The following FHOD3 variants were observed in gnomAD, a reference collection of about 807,000 sequenced individuals.
The protein encoded by FHOD3 is FH1/FH2 domain-containing protein 3.
A neutral mutation model predicts 173.0 loss-of-function variants in FHOD3; 90 were observed. The ratio of observed to expected loss-of-function variants is 0.52; its 90% CI spans 0.44 to 0.62. The LOEUF is 0.62. Ranked by LOEUF, FHOD3 falls within the 20% of genes least tolerant of loss-of-function variation. The pLI, the probability that FHOD3 is intolerant of heterozygous loss-of-function variation, is 0.00. For synonymous variants in FHOD3, 828 were observed against 823.0 expected (o/e 1.01, Z -0.10); for missense variants, 1,945 against 2,034.7 (o/e 0.96, Z 0.85).
intron 3 of FHOD3, among the ~76,000 whole-genome samples, chr18:36,461,915 C>T (rs886883925): frequency 6.6e-6 from 1 of 152,106 alleles, no homozygotes; most frequent in Non-Finnish European, 1.5e-5. Flanking sequence ...GAGCCAGTCC[C>T]TTCTAAGCTT....
intron 14 of FHOD3, among the ~76,000 whole-genome samples, chr18:36,672,188 C>T (rs2037574557): frequency 6.6e-6 from 1 of 152,132 alleles, no homozygotes; most frequent in African/African-American, 2.4e-5. Flanking sequence ...TTATTGGAGT[C>T]CGCCAATGAA....
rs188444834 is a variant in FHOD3 at position 36,488,505 on chromosome 18, T to G, written c.338-13427T>G. ...CTGACAGATGACAGGAGGCATCTTATAGCCCTGAGTGCAGTGCCCAGGAAA... is the reference window on the plus strand; with the variant it reads ...CTGACAGATGACAGGAGGCATCTTAGAGCCCTGAGTGCAGTGCCCAGGAAA... On this transcript the variant is annotated intron_variant, in intron 3 of 28. Transcript: ENST00000590592. Among the ~76,000 whole-genome samples the G allele has an allele frequency of 1.1e-4, 17 of 152,308 alleles. No individual in the cohort carries two copies. In the East Asian group the frequency reaches 3.3e-3, roughly 29 times the overall value.
intron 1 of FHOD3, among the ~76,000 whole-genome samples, chr18:36,341,440 C>T (rs1349136611): frequency 6.6e-6 from 1 of 152,154 alleles, no homozygotes; most frequent in Non-Finnish European, 1.5e-5. Context: ...TGAGGTCAGA[C>T]TCATTAAGTC....
intron 5 of FHOD3, among the ~76,000 whole-genome samples, chr18:36,532,335 G>A (rs372677246): frequency 1.1e-4 from 17 of 152,278 alleles, no homozygotes; most frequent in Non-Finnish European, 2.1e-4. Context: ...GGACCCATAC[G>A]CTCCTCTTCC....
At chr18:36,396,790 T>A (rs993474110) in intron 3 of FHOD3, among the ~76,000 whole-genome samples, 1 of 152,216 alleles carries the variant, frequency 6.6e-6, no homozygotes, top group Non-Finnish European at 1.5e-5. Flanking sequence ...AATAATTCTG[T>A]ATGAAATTTG....
Position 36,760,664 on chromosome 18 carries a change from C to A in FHOD3, c.4506C>A (p.Ser1502Arg). ...CCCCAAGCCAGCCGCAGGGTCTGAG[C>A]TATGCGGAGGACGCGGCTGAGCACG... The part of the protein sequence containing the change: ...PAPPSQPQGL[S>R]YAEDAAEHEN... The change falls in exon 27 of 29, where the codon AGC becomes AGA. Residue 1502 changes from serine to arginine, a missense_variant. This residue lies in a region of FHOD3 where 354 missense variants were observed against 359.9 expected (regional missense o/e 0.98). Transcript: ENST00000590592. 6.2e-7 allele frequency: 1 copy of A among 1,613,230 alleles called. No homozygotes were observed. The highest frequency in any genetic ancestry group is 8.5e-7 in the Non-Finnish European group (1 of 1,179,966).
intron 21 of FHOD3, among the ~76,000 whole-genome samples, chr18:36,741,364 T>G (rs2041893636): frequency 6.6e-6 from 1 of 152,066 alleles, no homozygotes; most frequent in South Asian, 2.1e-4. Flanking sequence ...AATAGGGCAG[T>G]GGGAGTTTTT....
chr18:36,474,445 C>G (rs1413286152), intron 3 of FHOD3, among the ~76,000 whole-genome samples: 2 of 152,174 alleles, frequency 1.3e-5, no homozygotes, highest in African/African-American at 4.8e-5. Context: ...TATCTGGCTT[C>G]TGTTTGGGCC....
intron 19 of FHOD3, among the ~76,000 whole-genome samples, chr18:36,725,735 C>T (rs914360118): frequency 7.9e-5 from 12 of 152,178 alleles, no homozygotes; most frequent in Admixed American, 7.2e-4. Context: ...AATGTTCACT[C>T]GCCATATCGG....
intron 15 of FHOD3, among the ~76,000 whole-genome samples, chr18:36,683,779 G>A (rs766567601): frequency 3.3e-5 from 5 of 152,192 alleles, no homozygotes; most frequent in Non-Finnish European, 5.9e-5. Context: ...CAGTGTCCAG[G>A]CAGTTGCCTG....
chr18:36,634,366 A>G (rs1206242019), intron 10 of FHOD3, among the ~76,000 whole-genome samples: 3 of 152,124 alleles, frequency 2.0e-5, no homozygotes, highest in Non-Finnish European at 2.9e-5. Flanking sequence ...TTTTGACAGG[A>G]AGGAGGTGTG....
rs545270635 is a variant in FHOD3, at chr18:36,537,261, G to A, written c.511+24718G>A. On this transcript the variant is annotated intron_variant, in intron 5 of 28. Coordinates refer to ENST00000590592, the MANE Select transcript of FHOD3 (RefSeq NM_001281740.3). Reference sequence around the variant, plus strand: ...ACATCCTGTCACTCTGTTGCTGTTCGCCACATACTCCAGTTTTCCAGCTTT... The same window carrying A: ...ACATCCTGTCACTCTGTTGCTGTTCACCACATACTCCAGTTTTCCAGCTTT... Among the ~76,000 whole-genome samples, 18 of 152,290 alleles carry A rather than the reference G, an allele frequency of 1.2e-4. No homozygotes were observed. The East Asian group carries it at 2.1e-3, about 18-fold the overall frequency.
chr18:36,589,640 C>G (rs1423348998), intron 6 of FHOD3, among the ~76,000 whole-genome samples: 1 of 152,186 alleles, frequency 6.6e-6, no homozygotes, highest in African/African-American at 2.4e-5. Context: ...ATGGGGTCAG[C>G]CAGTCCACCC....
In FHOD3 at chr18:36,718,016, T is replaced by C. The variant is rs769926623; in HGVS notation, c.2718T>C (p.Ala906=). The C allele has an allele frequency of 6.2e-7, 1 of 1,608,988 alleles. No homozygotes were observed. The highest frequency in any genetic ancestry group is 8.5e-7 in the Non-Finnish European group (1 of 1,177,502). The change falls in exon 19 of 29, where the codon GCT becomes GCC. Residue 906 remains alanine (A), a synonymous_variant. Coordinates refer to ENST00000590592, the MANE Select transcript of FHOD3 (RefSeq NM_001281740.3). ...AGGCAGAGGCGGTAGCCAGCCTTGC[T>C]ACCAGGATATCCACCCTGCAGGCCA... ...QQEAEAVASL[A]TRISTLQANS...
intron 1 of FHOD3, among the ~76,000 whole-genome samples, chr18:36,315,710 T>C (rs758888844): frequency 3.9e-5 from 6 of 152,190 alleles, no homozygotes; most frequent in South Asian, 2.1e-4. Context: ...TGTGAATTCC[T>C]CTGGCAGCCT....
rs2041852718 is a variant in FHOD3, at chr18:36,740,545, C to T, written c.3577-111C>T. The T allele has an allele frequency of 1.8e-6, 2 of 1,113,702 alleles. 1 individual carries two copies. Among genetic ancestry groups the T allele is most frequent in the Non-Finnish European group, 2.6e-6 (2 of 775,990 alleles). The allele number at this position is 1,113,702 out of a possible 1,614,324, so 69.0% of individuals were successfully genotyped here. On this transcript the variant is annotated intron_variant, in intron 20 of 28. Coordinates refer to ENST00000590592, the MANE Select transcript of FHOD3 (RefSeq NM_001281740.3). The stretch of plus-strand genomic sequence containing the variant: ...GGTTTATGACAATATAACACCTGTA[C>T]ATACCTCTACTACCTGGTTGGAAAA...
rs1004874099 is a variant in FHOD3 at position 36,552,751 on chromosome 18, G to T, written c.512-23700G>T. Among the ~76,000 whole-genome samples, 3 of 152,006 alleles carry T rather than the reference G, an allele frequency of 2.0e-5. No homozygotes were observed. The East Asian group carries it at 5.8e-4, about 29-fold the overall frequency. On this transcript the variant is annotated intron_variant, in intron 5 of 28. Transcript: ENST00000590592. ...CTAACCTCATGATCCACCCGCCTCG[G>T]CCTCCCAAAGTGCTGGGATTACAGG...
intron 18 of FHOD3, chr18:36,711,085 A>G (rs1012367196): frequency 3.3e-5 from 5 of 152,242 alleles, no homozygotes; most frequent in African/African-American, 7.2e-5. Context: ...GGCAATGTCC[A>G]AGTATTTAGA....
chr18:36,769,375 C>A lies in FHOD3; in HGVS notation c.4735C>A (p.Gln1579Lys), dbSNP rs766791798. Reference protein sequence around the residue: ...IVKSATQVPSQRVVPRERKRS... With the variant: ...IVKSATQVPSKRVVPRERKRS... Reference sequence around the variant, plus strand: ...CAAGTCAGCCACCCAAGTGCCCAGTCAGCGAGTGGTGCCGAGGGAGAGGAA... The same window carrying A: ...CAAGTCAGCCACCCAAGTGCCCAGTAAGCGAGTGGTGCCGAGGGAGAGGAA... Residue 1579 changes from glutamine to lysine, a missense_variant, in exon 28 of 29, where the codon CAG becomes AAG. Around this residue, in one of 5 missense-constraint regions of FHOD3, gnomAD observed 354 missense variants for 359.9 expected, o/e 0.98. Coordinates refer to ENST00000590592, the MANE Select transcript of FHOD3 (RefSeq NM_001281740.3). The A allele has an allele frequency of 5.6e-6, 9 of 1,614,014 alleles. No homozygotes were observed. In the South Asian group the frequency reaches 8.8e-5, roughly 16 times the overall value.
Sources: gnomAD v4.1 joint callset for allele counts (sites outside exome capture counted in the v4.1 genomes callset) on GRCh38, gnomAD v4.1.1 for gene constraint, gnomAD v4.1.1 regional missense constraint, MANE v1.5 for transcripts, NCBI Gene and HGNC (gene_info 2026-07-23, HGNC 2026-07-21) for gene names.